Variants in TMTC1 observed in about 807,000 individuals in gnomAD.
TMTC1 encodes the protein protein O-mannosyl-transferase TMTC1.
Under a neutral mutation model 104.8 loss-of-function variants are expected in TMTC1, and 73 were observed. That is an observed-to-expected ratio of 0.70 (90% CI 0.58 to 0.85). TMTC1 has a LOEUF of 0.85. TMTC1 is among the 40% of genes least tolerant of loss of function. The probability of loss-of-function intolerance (pLI) is 0.00; values close to 1 mark genes in which losing one functional copy is unlikely to be tolerated. For missense variants in TMTC1, 1,035 were observed against 1,096.1 expected, an observed-to-expected ratio of 0.94 and a Z score of 0.79; for synonymous variants, 434 against 428.7, an observed-to-expected ratio of 1.01 and a Z score of -0.15.
intron 5 of TMTC1, among the ~76,000 whole-genome samples, chr12:29,729,360 C>G (rs556994894): frequency 6.6e-6 from 1 of 152,156 alleles, no homozygotes; most frequent in Non-Finnish European, 1.5e-5. Context: ...AGTCTCCACT[C>G]TGCTTCTCAT....
Position 29,651,084 on chromosome 12 carries a change from A to G in TMTC1, c.939-17748T>C, listed in dbSNP as rs566376991. On this transcript the variant is annotated intron_variant, in intron 5 of 17. Coordinates refer to ENST00000539277, the MANE Select transcript of TMTC1 (RefSeq NM_001193451.2). Reference sequence around the variant, plus strand: ...CCTTTGCATTTGGAGGGGGCACATGACTACTTCTGGCCTCCAGGTCTGAGC... The same window carrying G: ...CCTTTGCATTTGGAGGGGGCACATGGCTACTTCTGGCCTCCAGGTCTGAGC... 3.3e-5 allele frequency among the ~76,000 whole-genome samples: 5 copies of G among 152,268 alleles called. No individual in the cohort carries two copies. The East Asian group carries it at 9.7e-4, about 29-fold the overall frequency.
At chr12:29,713,262 A>C (rs1226845029) in intron 5 of TMTC1, among the ~76,000 whole-genome samples, 1 of 150,800 alleles carries the variant, frequency 6.6e-6, no homozygotes, top group East Asian at 2.0e-4. Flanking sequence ...CACCTAAATA[A>C]GCCAGTTCCT....
intron 5 of TMTC1, among the ~76,000 whole-genome samples, chr12:29,673,385 C>T (rs741615): frequency 0.21 from 32,489 of 152,146 alleles, 3,875 homozygotes; most frequent in East Asian, 0.28. Context: ...TTGTGTAAAA[C>T]GCTTTTCAAT....
chr12:29,699,063 A>C (rs1045818207), intron 5 of TMTC1, among the ~76,000 whole-genome samples: 6 of 152,168 alleles, frequency 3.9e-5, no homozygotes, highest in African/African-American at 1.4e-4. Flanking sequence ...TTGAATCTTT[A>C]ATTATGGACC....
At chr12:29,665,217 G>GACCCTTCAAAA (rs1269140149) in intron 5 of TMTC1, among the ~76,000 whole-genome samples, 2 of 152,286 alleles carry the variant, frequency 1.3e-5, no homozygotes, top group Non-Finnish European at 2.9e-5. Flanking sequence ...CCTTCACCTG[G>GACCCTTCAAAA]AGGAGGCCCT....
intron 7 of TMTC1, among the ~76,000 whole-genome samples, chr12:29,600,610 T>C (rs1946538607): frequency 2.0e-5 from 3 of 152,176 alleles, no homozygotes; most frequent in South Asian, 4.1e-4. Context: ...ATTCAAATAT[T>C]CCTAAGATTC....
intron 5 of TMTC1, among the ~76,000 whole-genome samples, chr12:29,682,444 G>A (rs113898228): frequency 2.0e-5 from 3 of 152,126 alleles, no homozygotes; most frequent in African/African-American, 7.2e-5. Flanking sequence ...GCTCATGGCA[G>A]CTTTAGTTGT....
intron 7 of TMTC1, among the ~76,000 whole-genome samples, chr12:29,599,390 G>A (rs1565699074): frequency 6.6e-6 from 1 of 152,182 alleles, no homozygotes; most frequent in South Asian, 2.1e-4. Context: ...TGACCCTGAA[G>A]CAATGCAATG....
At chr12:29,595,846 A>G (rs57703250) in intron 7 of TMTC1, among the ~76,000 whole-genome samples, 7,195 of 152,292 alleles carry the variant, frequency 0.047, 581 homozygotes, top group African/African-American at 0.16. Context: ...GAAGACGTGG[A>G]AAGGAATAGC....
intron 11 of TMTC1, chr12:29,533,205 C>G (rs970111372): frequency 1.3e-5 from 2 of 152,168 alleles, no homozygotes; most frequent in East Asian, 3.8e-4. Context: ...CATATAATGT[C>G]TTTTCAACTC....
intron 6 of TMTC1, among the ~76,000 whole-genome samples, chr12:29,623,221 T>C (rs1937768768): frequency 6.6e-6 from 1 of 152,254 alleles, no homozygotes; most frequent in South Asian, 2.1e-4. Flanking sequence ...AACAGAGGCC[T>C]ATGAAGAGCA....
chr12:29,595,262 C>T (rs1946377432), intron 7 of TMTC1, among the ~76,000 whole-genome samples: 1 of 152,158 alleles, frequency 6.6e-6, no homozygotes, highest in Non-Finnish European at 1.5e-5. Context: ...ACTGTTCAGA[C>T]TTCTCTGCAC....
intron 9 of TMTC1, among the ~76,000 whole-genome samples, chr12:29,566,155 A>G (rs1345450674): frequency 6.6e-6 from 1 of 152,042 alleles, no homozygotes; most frequent in Non-Finnish European, 1.5e-5. Flanking sequence ...CCGATGACAC[A>G]TATGAGGAGT....
At chr12:29,676,204 G>T (rs1197718374) in intron 5 of TMTC1, among the ~76,000 whole-genome samples, 1 of 152,190 alleles carries the variant, frequency 6.6e-6, no homozygotes, top group Non-Finnish European at 1.5e-5. Flanking sequence ...ACTGCTACGT[G>T]TGTCAGATAT....
intron 5 of TMTC1, among the ~76,000 whole-genome samples, chr12:29,721,354 A>T (rs1942232958): frequency 6.6e-6 from 1 of 152,172 alleles, no homozygotes; most frequent in African/African-American, 2.4e-5. Flanking sequence ...TTGAAAAGGG[A>T]GTAAGTTTGA....
intron 5 of TMTC1, among the ~76,000 whole-genome samples, chr12:29,735,449 A>T (rs1942647511): frequency 6.6e-6 from 1 of 152,208 alleles, no homozygotes; most frequent in Admixed American, 6.5e-5. Flanking sequence ...ATTTACATAA[A>T]GTGTTGAAAA....
At chr12:29,627,551 T>G (rs1031914745) in intron 6 of TMTC1, among the ~76,000 whole-genome samples, 2 of 152,174 alleles carry the variant, frequency 1.3e-5, no homozygotes, top group Non-Finnish European at 2.9e-5. Context: ...AGTTTGTCAG[T>G]GCTTCAAAAA....
chr12:29,783,380 T>A lies in TMTC1; in HGVS notation c.302+70A>T. 3 of 1,247,902 alleles carry A rather than the reference T, an allele frequency of 2.4e-6. No homozygotes were observed. The highest frequency in any genetic ancestry group is 3.0e-6 in the Non-Finnish European group (3 of 989,566). 77.3% of individuals were successfully genotyped at this position (1,247,902 alleles called of 1,614,324 possible). Reference sequence around the variant, plus strand: ...AATGCCCCCAAGTCAGTCCCGCAACTTCTCCCGGTCCGAGGGACGGGCGGA... The same window carrying A: ...AATGCCCCCAAGTCAGTCCCGCAACATCTCCCGGTCCGAGGGACGGGCGGA... On this transcript the variant is annotated intron_variant, in intron 1 of 17. Transcript: ENST00000539277. This position sits in a 1 kb window ranked among gnomAD's most constrained non-coding sequence, Gnocchi z 4.7.
chr12:29,664,947 G>A (rs1940216983), intron 5 of TMTC1, among the ~76,000 whole-genome samples: 2 of 152,046 alleles, frequency 1.3e-5, no homozygotes, highest in African/African-American at 4.8e-5. Flanking sequence ...AAGGGTCCAG[G>A]GTTCTATTCC....
Sources: allele counts gnomAD v4.1 joint callset (sites outside exome capture counted in the v4.1 genomes callset), GRCh38; gene constraint gnomAD v4.1.1; non-coding constraint Gnocchi (gnomAD v3.1); transcripts MANE v1.5; gene names NCBI Gene and HGNC (gene_info 2026-07-23, HGNC 2026-07-21).